Variants in PRC1 observed in about 807,000 individuals in gnomAD.
The protein encoded by PRC1 is anaphase spindle elongation 1 homolog.
A neutral mutation model predicts 91.2 loss-of-function variants in PRC1; 54 were observed. That is an observed-to-expected ratio of 0.59 (90% CI 0.48 to 0.74). The LOEUF is 0.74. Ranked by LOEUF, PRC1 falls within the 30% of genes least tolerant of loss-of-function variation. The pLI, the probability that PRC1 is intolerant of heterozygous loss-of-function variation, is 0.00. For synonymous variants in PRC1, 275 were observed against 263.6 expected (o/e 1.04, Z -0.42); for missense variants, 727 against 746.2 (o/e 0.97, Z 0.30).
intron 1 of PRC1, among the ~76,000 whole-genome samples, chr15:90,991,890 G>A (rs1444284754): frequency 6.6e-6 from 1 of 152,034 alleles, no homozygotes; most frequent in Non-Finnish European, 1.5e-5. Flanking sequence ...ACCCTCCAAC[G>A]ACTTGCCATC....
intron 3 of PRC1, 37 bp from the exon 4 acceptor site, chr15:90,982,018 A>C: frequency 6.4e-7 from 1 of 1,572,986 alleles, no homozygotes; most frequent in Non-Finnish European, 8.7e-7. Flanking sequence ...TAAGATTCCA[A>C]GTGAATTCCT....
chr15:90,994,318 C>G (rs1240231753), intron 1 of PRC1, 89 bp downstream of exon 1: 2 of 1,587,120 alleles, frequency 1.3e-6, no homozygotes, highest in Non-Finnish European at 1.7e-6. Flanking sequence ...CCCGGGACCC[C>G]GCACGGGTCC....
chr15:90,976,833 TAA>T, intron 8 of PRC1, 62 bp from the exon 9 acceptor site: 2 of 1,390,622 alleles, frequency 1.4e-6, no homozygotes, highest in South Asian at 2.4e-5. Flanking sequence ...TAACTTCTGC[TAA>T]GATTCTTTGT....
chr15:90,991,417 T>C (rs1187695273), intron 1 of PRC1, among the ~76,000 whole-genome samples: 5 of 151,230 alleles, frequency 3.3e-5, no homozygotes, highest in African/African-American at 9.7e-5. Context: ...AGAGCAAGAC[T>C]GTCTCCAAAA....
In PRC1 at chr15:90,968,473, C is replaced by G. The variant is rs1044246613; in HGVS notation, c.1791+606G>C. 4 of 985,150 alleles carry G rather than the reference C, an allele frequency of 4.1e-6. No individual in the cohort carries two copies. In the African/African-American group the frequency reaches 5.2e-5, roughly 13 times the overall value. 61.0% of individuals were successfully genotyped at this position (985,150 alleles called of 1,614,324 possible). On this transcript the variant is annotated intron_variant, in intron 14 of 14. Transcript: ENST00000394249. ...AGTAAAATATTGAGAGAAGAAATCA[C>G]AGATTAAGTAAAAGGCAGTGTAGTT...
Position 90,974,543 on chromosome 15 carries a change from TTTC to T in PRC1, c.1350+39_1350+41del, listed in dbSNP as rs2038497599. 6.2e-7 allele frequency: 1 copy of T among 1,607,086 alleles called. No homozygotes were observed. The highest frequency in any genetic ancestry group is 8.5e-7 in the Non-Finnish European group (1 of 1,179,438). On this transcript the variant is annotated intron_variant, in intron 10 of 14. Transcript: ENST00000394249. This position sits in a 1 kb window ranked among gnomAD's most constrained non-coding sequence, Gnocchi z 4.6. ...AGAGACTATGGGCTGCTCAGATTAC[TTTC>T]TTCGTCTTTTCCCAATTTGCGTTCA...
chr15:90,968,089 GTCTA>G, intron 14 of PRC1: 1 of 985,476 alleles, frequency 1.0e-6, no homozygotes, highest in Non-Finnish European at 1.2e-6. Flanking sequence ...GCCTGGTGGA[GTCTA>G]TCAGCCATAG....
chr15:90,986,449 C>T (rs1028508544), intron 1 of PRC1, among the ~76,000 whole-genome samples: 1 of 152,080 alleles, frequency 6.6e-6, no homozygotes, highest in Non-Finnish European at 1.5e-5. Flanking sequence ...ATGGGGAAAC[C>T]CTGTCTCTAC....
In PRC1 at chr15:90,973,851, C is replaced by G. The variant is rs563481445; in HGVS notation, c.1461+285G>C. On this transcript the variant is annotated intron_variant, in intron 11 of 14. Coordinates refer to ENST00000394249, the MANE Select transcript of PRC1 (RefSeq NM_003981.4). ...ACCTTCTCCCCACTATCACCCTGTC[C>G]TCCTGCCGCATTCCCCTTGCCAAGA... is the stretch of plus-strand genomic sequence containing the variant. Among the ~76,000 whole-genome samples the G allele has an allele frequency of 1.3e-4, 20 of 152,172 alleles. No homozygotes were observed. The South Asian group carries it at 3.3e-3, about 25-fold the overall frequency.
intron 14 of PRC1, 47 bp from the exon 15 acceptor site, chr15:90,967,249 CAT>C: frequency 6.7e-7 from 1 of 1,488,932 alleles, no homozygotes; most frequent in Non-Finnish European, 9.4e-7. Context: ...CTCTCTTACA[CAT>C]GGCCCACCCT....
chr15:90,976,929 C>G (rs12595029), intron 8 of PRC1, among the ~76,000 whole-genome samples, 158 bp from the exon 9 acceptor site: 82,326 of 151,896 alleles, frequency 0.54, 27,187 homozygotes, highest in East Asian at 0.99. Context: ...TCGACAGTTC[C>G]AGACCAACCT....
At chr15:90,992,998 T>G (rs1256295905) in intron 1 of PRC1, among the ~76,000 whole-genome samples, 1 of 122,694 alleles carries the variant, frequency 8.2e-6, no homozygotes, top group Non-Finnish European at 1.6e-5. Flanking sequence ...CGTTTGAGCC[T>G]CAGAGGTCAA....
chr15:90,970,378 T>C, intron 12 of PRC1, 26 bp downstream of exon 12: 2 of 1,516,128 alleles, frequency 1.3e-6, no homozygotes. Flanking sequence ...CATGTGAGGA[T>C]GTGCTTAGAC....
At chr15:90,973,528 G>A (rs2038369329) in intron 11 of PRC1, among the ~76,000 whole-genome samples, 2 of 152,018 alleles carry the variant, frequency 1.3e-5, no homozygotes, top group African/African-American at 2.4e-5. Context: ...CGTCGTCTGT[G>A]CTCAGGAGGA....
intron 1 of PRC1, among the ~76,000 whole-genome samples, chr15:90,994,178 G>C (rs896749894): frequency 2.0e-5 from 3 of 152,130 alleles, no homozygotes; most frequent in African/African-American, 7.2e-5. Context: ...GAGCCTGCGG[G>C]CACCTGCGGC....
intron 3 of PRC1, among the ~76,000 whole-genome samples, chr15:90,982,367 T>A (rs923447687): frequency 1.3e-5 from 2 of 152,162 alleles, no homozygotes; most frequent in Non-Finnish European, 2.9e-5. Flanking sequence ...AAGTCCCCAT[T>A]TTTTCCCTTC....
At position 90,984,866 on chromosome 15, in the gene PRC1, C is replaced by T; in HGVS notation, c.12-41G>A. The T allele has an allele frequency of 6.2e-7, 1 of 1,611,214 alleles. No homozygotes were observed. ...TAAGGCCTGTTAGTTACATCAGTCA[C>T]AGCCTCTGGACTAAAAGCACTATTT... On this transcript the variant is annotated intron_variant, in intron 1 of 14. Coordinates refer to ENST00000394249, the MANE Select transcript of PRC1 (RefSeq NM_003981.4). The surrounding 1 kb of genome is among the most constrained non-coding windows in gnomAD (Gnocchi z 5.1).
rs2039409792 is a variant in PRC1, at chr15:90,984,137, G to C, written c.148C>G (p.Leu50Val). Residue 50 changes from leucine to valine, a missense_variant, in exon 3 of 15, where the codon CTC becomes GTC. Coordinates refer to ENST00000394249, the MANE Select transcript of PRC1 (RefSeq NM_003981.4). This position sits in a 1 kb window ranked among gnomAD's most constrained non-coding sequence, Gnocchi z 5.1. ...TCTTCAGCAATCATCATATCCAGGA[G>C]TTCCTACAAGAGGGAAAACAGTCCA... ...TEVVKKHIKELLDMMIAEEES... is the reference protein window; with the variant it reads ...TEVVKKHIKEVLDMMIAEEES... 6.2e-7 allele frequency: 1 copy of C among 1,613,944 alleles called. No individual in the cohort carries two copies. The highest frequency in any genetic ancestry group is 1.7e-5 in the Admixed American group (1 of 59,998).
intron 3 of PRC1, among the ~76,000 whole-genome samples, chr15:90,983,211 TG>T (rs2039341842): frequency 6.6e-6 from 1 of 152,230 alleles, no homozygotes; most frequent in African/African-American, 2.4e-5. Context: ...AATTATCCTT[TG>T]CCCTTTAAAG....
Sources: allele counts gnomAD v4.1 joint callset (sites outside exome capture counted in the v4.1 genomes callset), GRCh38; gene constraint gnomAD v4.1.1; non-coding constraint Gnocchi (gnomAD v3.1); transcripts MANE v1.5; gene names NCBI Gene and HGNC (gene_info 2026-07-23, HGNC 2026-07-21).